The following GRM8 variants were observed in gnomAD, a reference collection of about 807,000 sequenced individuals.
GRM8 encodes metabotropic glutamate receptor 8.
A neutral mutation model predicts 87.2 loss-of-function variants in GRM8; 47 were observed. The ratio of observed to expected loss-of-function variants is 0.54; its 90% confidence interval spans 0.43 to 0.69. The LOEUF (loss-of-function observed/expected upper bound fraction) is 0.69, where lower values mean the gene tolerates loss of function less well. Ranked by LOEUF, GRM8 falls within the 30% of genes least tolerant of loss-of-function variation. The pLI, the probability that GRM8 is intolerant of heterozygous loss-of-function variation, is 0.00. For missense variants in GRM8, 1,019 were observed against 1,139.2 expected, an observed-to-expected ratio of 0.89 and a Z score of 1.52; for synonymous variants, 396 against 404.5, an observed-to-expected ratio of 0.98 and a Z score of 0.25.
chr7:127,175,617 A>G (rs1044573330), intron 2 of GRM8, among the ~76,000 whole-genome samples: 3 of 152,204 alleles, frequency 2.0e-5, no homozygotes, highest in African/African-American at 4.8e-5. Flanking sequence ...TACCTATAGA[A>G]AAACAAGTTT....
chr7:127,208,020 G>A (rs1024783829), intron 2 of GRM8, among the ~76,000 whole-genome samples: 15 of 151,980 alleles, frequency 9.9e-5, no homozygotes, highest in Admixed American at 2.0e-4. Context: ...GCTGACCCCC[G>A]GCCGATTCCA....
intron 2 of GRM8, among the ~76,000 whole-genome samples, chr7:127,154,411 C>T (rs1180227320): frequency 6.6e-6 from 1 of 152,084 alleles, no homozygotes; most frequent in Non-Finnish European, 1.5e-5. Flanking sequence ...TTCTCTCTCA[C>T]TGGAGTCCTT....
chr7:126,572,277 G>A (rs1794748625), intron 8 of GRM8, among the ~76,000 whole-genome samples: 1 of 152,138 alleles, frequency 6.6e-6, no homozygotes, highest in Non-Finnish European at 1.5e-5. Context: ...GACAGTGTTA[G>A]CAAGATAAAG....
intron 3 of GRM8, among the ~76,000 whole-genome samples, chr7:127,022,742 G>A (rs1042615111): frequency 1.3e-5 from 2 of 152,034 alleles, no homozygotes; most frequent in Admixed American, 6.6e-5. Flanking sequence ...TGTAATGCAA[G>A]AGTATTATAC....
At chr7:126,477,596 AAAGAAAGAAAG>A (rs1293224563) in intron 9 of GRM8, among the ~76,000 whole-genome samples, 9 of 71,110 alleles carry the variant, frequency 1.3e-4, no homozygotes, top group Non-Finnish European at 3.2e-4. Context: ...AGAAAGAAAG[AAAGAAAGAAAG>A]AAAGAAAGAA....
chr7:127,033,072 G>T (rs1018476279), intron 3 of GRM8, among the ~76,000 whole-genome samples: 7 of 146,206 alleles, frequency 4.8e-5, no homozygotes, highest in Admixed American at 4.8e-4. Context: ...ATAGTGACAA[G>T]AATTTTTTCA....
intron 2 of GRM8, among the ~76,000 whole-genome samples, chr7:127,216,285 G>A (rs1796522126): frequency 1.3e-5 from 2 of 152,032 alleles, no homozygotes; most frequent in Admixed American, 6.6e-5. Flanking sequence ...TTGGGAGGCC[G>A]AGGCGGGAGG....
chr7:126,625,223 T>C (rs945958179), intron 7 of GRM8, among the ~76,000 whole-genome samples: 2 of 152,086 alleles, frequency 1.3e-5, no homozygotes, highest in African/African-American at 4.8e-5. Context: ...TCCTTAAGAG[T>C]TAATACTCAT....
At chr7:127,218,491 A>C (rs1796709659) in intron 2 of GRM8, among the ~76,000 whole-genome samples, 1 of 152,206 alleles carries the variant, frequency 6.6e-6, no homozygotes, top group African/African-American at 2.4e-5. Flanking sequence ...CTTCAGCCTC[A>C]GTTTCCTCAA....
At chr7:126,934,714 A>G (rs1806115754) in intron 3 of GRM8, among the ~76,000 whole-genome samples, 1 of 152,150 alleles carries the variant, frequency 6.6e-6, no homozygotes, top group Non-Finnish European at 1.5e-5. Flanking sequence ...TTTCTGAGAG[A>G]GTCTTTGCCT....
intron 7 of GRM8, among the ~76,000 whole-genome samples, chr7:126,668,024 G>C (rs1330475234): frequency 2.6e-5 from 4 of 152,146 alleles, no homozygotes; most frequent in Non-Finnish European, 5.9e-5. Flanking sequence ...GGGGTGCCTG[G>C]AGAAACTCCA....
intron 2 of GRM8, among the ~76,000 whole-genome samples, chr7:127,163,739 T>C (rs1793268429): frequency 1.3e-5 from 2 of 152,206 alleles, no homozygotes; most frequent in Admixed American, 6.5e-5. Context: ...CATGATTTGG[T>C]AATCATCAAA....
At chr7:126,969,834 C>A (rs890020265) in intron 3 of GRM8, among the ~76,000 whole-genome samples, 2 of 152,096 alleles carry the variant, frequency 1.3e-5, no homozygotes, top group African/African-American at 4.8e-5. Flanking sequence ...AAATGTATTT[C>A]CTAAATAATG....
intron 6 of GRM8, among the ~76,000 whole-genome samples, chr7:126,771,076 T>C (rs965531052): frequency 6.6e-6 from 1 of 152,074 alleles, no homozygotes; most frequent in African/African-American, 2.4e-5. Context: ...CTTACACAAC[T>C]GGTAACACTT....
At chr7:126,692,584 C>T (rs1402027879) in intron 7 of GRM8, among the ~76,000 whole-genome samples, 1 of 152,150 alleles carries the variant, frequency 6.6e-6, no homozygotes, top group African/African-American at 2.4e-5. Context: ...ATTCTTGCAG[C>T]AGCACATAAT....
chr7:126,798,064 T>C (rs2023733), intron 6 of GRM8, among the ~76,000 whole-genome samples: 56,042 of 152,014 alleles, frequency 0.37, 11,521 homozygotes, highest in Non-Finnish European at 0.46. Flanking sequence ...CTCTGAATTC[T>C]GCACTAAAGA....
At chr7:126,471,404 T>C (rs199630300) in intron 9 of GRM8, among the ~76,000 whole-genome samples, 22,056 of 151,510 alleles carry the variant, frequency 0.15, 1,739 homozygotes, top group South Asian at 0.18. Flanking sequence ...CAGCTTTCTA[T>C]GTATGGCTAG....
chr7:127,153,946 G>C (rs866735275), intron 2 of GRM8, among the ~76,000 whole-genome samples: 1 of 152,128 alleles, frequency 6.6e-6, no homozygotes, highest in Non-Finnish European at 1.5e-5. Context: ...TACACAGGAA[G>C]CCAGCTGAGG....
chr7:126,790,384 T>G (rs1453400781), intron 6 of GRM8, among the ~76,000 whole-genome samples: 3 of 152,202 alleles, frequency 2.0e-5, no homozygotes, highest in African/African-American at 7.2e-5. Context: ...AAGTTTGTAT[T>G]GCAATTTTCT....
Sources: gnomAD v4.1 joint callset for allele counts (sites outside exome capture counted in the v4.1 genomes callset) on GRCh38, gnomAD v4.1.1 for gene constraint, MANE v1.5 for transcripts, NCBI Gene and HGNC (gene_info 2026-07-23, HGNC 2026-07-21) for gene names.